The following SHROOM3 variants were observed in gnomAD, a reference collection of about 807,000 sequenced individuals.
SHROOM3 encodes the protein shroom family member 3.
SHROOM3 carries 47 observed loss-of-function variants against 138.6 expected under a neutral mutation model. That is an observed-to-expected ratio of 0.34 (90% confidence interval 0.27 to 0.43). The LOEUF (loss-of-function observed/expected upper bound fraction) is 0.43. Ranked by LOEUF, SHROOM3 falls within the 20% of genes least tolerant of loss-of-function variation. The pLI is 1.00. For synonymous variants in SHROOM3, 1,062 were observed against 1,063.3 expected (o/e 1.00, Z 0.02); for missense variants, 2,491 against 2,596.5 (o/e 0.96, Z 0.88).
intron 9 of SHROOM3, among the ~76,000 whole-genome samples, chr4:76,761,835 A>C (rs1395285768): frequency 6.6e-6 from 1 of 152,126 alleles, no homozygotes; most frequent in Non-Finnish European, 1.5e-5. Context: ...GGTGGAAGAG[A>C]TCTTAGGGAG....
At chr4:76,575,319 TACTGGTATTCA>T (rs1284676663) in intron 2 of SHROOM3, among the ~76,000 whole-genome samples, 4 of 152,182 alleles carry the variant, frequency 2.6e-5, no homozygotes, top group African/African-American at 9.7e-5. Flanking sequence ...CCACTTTCAC[TACTGGTATTCA>T]ACATAGTACT....
At chr4:76,668,645 A>G (rs756373547) in intron 2 of SHROOM3, among the ~76,000 whole-genome samples, 6 of 152,184 alleles carry the variant, frequency 3.9e-5, no homozygotes, top group Non-Finnish European at 8.8e-5. Context: ...AACTAATGAA[A>G]GCGTATTGTG....
chr4:76,577,996 A>G (rs1472352139), intron 2 of SHROOM3, among the ~76,000 whole-genome samples: 1 of 152,072 alleles, frequency 6.6e-6, no homozygotes, highest in East Asian at 1.9e-4. Context: ...AGGTAATGTC[A>G]TCTTTTAATA....
At chr4:76,440,676 G>C (rs1730650900) in intron 1 of SHROOM3, among the ~76,000 whole-genome samples, 1 of 152,098 alleles carries the variant, frequency 6.6e-6, no homozygotes, top group African/African-American at 2.4e-5. Flanking sequence ...TTCAAACATG[G>C]ACTTCAGAAT....
intron 2 of SHROOM3, among the ~76,000 whole-genome samples, chr4:76,681,537 A>AT (rs1438308458): frequency 6.7e-6 from 1 of 150,052 alleles, no homozygotes; most frequent in African/African-American, 2.5e-5. Context: ...CCAATTCAGG[A>AT]TCCCCTCTAG....
At chr4:76,477,772 T>C (rs547125534) in intron 1 of SHROOM3, among the ~76,000 whole-genome samples, 5 of 152,094 alleles carry the variant, frequency 3.3e-5, no homozygotes, top group Non-Finnish European at 7.4e-5. Flanking sequence ...CCAGCTGAGG[T>C]ACCCAGCTCA....
At chr4:76,630,388 CTGCCACCAAT>C (rs1212196908) in intron 2 of SHROOM3, among the ~76,000 whole-genome samples, 1 of 152,202 alleles carries the variant, frequency 6.6e-6, no homozygotes, top group Non-Finnish European at 1.5e-5. Flanking sequence ...GAGGTCATTT[CTGCCACCAAT>C]TGTTTCCTTC....
At chr4:76,546,173 A>G (rs1405773788) in intron 1 of SHROOM3, among the ~76,000 whole-genome samples, 1 of 152,198 alleles carries the variant, frequency 6.6e-6, no homozygotes, top group Non-Finnish European at 1.5e-5. Context: ...TCTATATTTT[A>G]TAGATGAGAG....
chr4:76,671,886 G>GCAT (rs1718895336), intron 2 of SHROOM3, among the ~76,000 whole-genome samples: 1 of 152,036 alleles, frequency 6.6e-6, no homozygotes. Flanking sequence ...TACCAGCTGA[G>GCAT]CATCCCTTAT....
intron 2 of SHROOM3, among the ~76,000 whole-genome samples, chr4:76,697,689 T>C (rs1719783228): frequency 6.6e-6 from 1 of 152,222 alleles, no homozygotes; most frequent in African/African-American, 2.4e-5. Flanking sequence ...GCTGTAAAGA[T>C]TAAATTTGTT....
intron 4 of SHROOM3, among the ~76,000 whole-genome samples, chr4:76,735,868 A>AAAATATATATATATATAT: frequency 5.3e-5 from 1 of 18,814 alleles, no homozygotes; most frequent in South Asian, 2.9e-3. Flanking sequence ...AAAAAAAAAA[A>AAAATATATATATATATAT]ATATATATAT....
intron 10 of SHROOM3, 96 bp from the exon 11 acceptor site, chr4:76,778,713 A>G (rs1224918614): frequency 3.2e-6 from 5 of 1,543,528 alleles, no homozygotes; most frequent in Non-Finnish European, 4.5e-6. Context: ...TAGAGCTTAG[A>G]TATTTCCCAG....
Position 76,739,894 on chromosome 4 carries a change from A to G in SHROOM3, c.1721A>G (p.His574Arg), listed in dbSNP as rs1560608016. 3.1e-6 allele frequency: 5 copies of G among 1,614,212 alleles called. No individual in the cohort carries two copies. Among genetic ancestry groups the G allele is most frequent in the Non-Finnish European group, 2.5e-6 (3 of 1,180,042 alleles). ...GAGGAGGATGCCTCCCTGAAGAGAC[A>G]TCTCACACCTCCCCAAGGCAACAGC... ...ENEEDASLKRHLTPPQGNSPH... is the reference protein window; with the variant it reads ...ENEEDASLKRRLTPPQGNSPH... Residue 574 changes from histidine to arginine, a missense_variant, in exon 5 of 11, where the codon CAT becomes CGT. Transcript: ENST00000296043.
rs1284466710 is a variant in SHROOM3, at chr4:76,510,518, G to T, written c.169-45091G>T. ...TTGTTGCCTTATAGGGTTACTGAAA[G>T]AATTGAGTGAGATATACACAAAGTG... On this transcript the variant is annotated intron_variant, in intron 1 of 10. Transcript: ENST00000296043. 2.6e-5 allele frequency among the ~76,000 whole-genome samples: 4 copies of T among 152,214 alleles called. No individual in the cohort carries two copies. In the East Asian group the frequency reaches 7.7e-4, roughly 29 times the overall value.
intron 2 of SHROOM3, among the ~76,000 whole-genome samples, chr4:76,671,357 T>A (rs560015459): frequency 1.3e-5 from 2 of 152,338 alleles, no homozygotes; most frequent in East Asian, 3.9e-4. Flanking sequence ...AAACTTCCAA[T>A]GGCTTCCAGT....
chr4:76,451,735 A>T (rs2109970068), intron 1 of SHROOM3, among the ~76,000 whole-genome samples: 1 of 152,362 alleles, frequency 6.6e-6, no homozygotes. Flanking sequence ...AGTGAGAGAC[A>T]GGAAGAAATT....
At position 76,779,286 on chromosome 4, in the gene SHROOM3, T is replaced by G; in HGVS notation, c.*109T>G. On this transcript the variant is annotated 3_prime_UTR_variant, in exon 11 of 11. Coordinates refer to ENST00000296043, the MANE Select transcript of SHROOM3 (RefSeq NM_020859.4). ...TTGAACTATCTGGGTTATTGGTGTT[T>G]GTTCCTGATGAAAGGAAAAAAATTC... 1 of 1,437,798 alleles carries G rather than the reference T, an allele frequency of 7.0e-7. No homozygotes were observed. The highest frequency in any genetic ancestry group is 9.3e-7 in the Non-Finnish European group (1 of 1,080,368). The allele number at this position is 1,437,798 out of a possible 1,614,324, so 89.1% of individuals were successfully genotyped here.
chr4:76,452,311 A>G (rs114217065), intron 1 of SHROOM3, among the ~76,000 whole-genome samples: 4,815 of 152,288 alleles, frequency 0.032, 101 homozygotes, highest in South Asian at 0.047. Context: ...CTTACTTATC[A>G]CCACCATCCA....
At chr4:76,437,482 T>G (rs1453812430) in intron 1 of SHROOM3, among the ~76,000 whole-genome samples, 2 of 152,202 alleles carry the variant, frequency 1.3e-5, no homozygotes, top group African/African-American at 4.8e-5. Context: ...GGCTTTGTCT[T>G]CATGGTTGCA....
Sources: allele counts gnomAD v4.1 joint callset (sites outside exome capture counted in the v4.1 genomes callset), GRCh38; gene constraint gnomAD v4.1.1; transcripts MANE v1.5; gene names NCBI Gene and HGNC (gene_info 2026-07-23, HGNC 2026-07-21).